Variants in COL11A1 observed in about 807,000 individuals in gnomAD.
The protein encoded by COL11A1 is collagen alpha-1(XI) chain.
A neutral mutation model predicts 265.2 loss-of-function variants in COL11A1; 74 were observed. That is an observed-to-expected ratio of 0.28 (90% CI 0.23 to 0.34). The LOEUF (loss-of-function observed/expected upper bound fraction) is 0.34. Ranked by LOEUF, COL11A1 falls within the 10% of genes least tolerant of loss-of-function variation. The pLI, the probability that COL11A1 is intolerant of heterozygous loss-of-function variation, is 1.00. For synonymous variants in COL11A1, 816 were observed against 727.6 expected (o/e 1.12, Z -1.96); for missense variants, 2,165 against 2,263.6 (o/e 0.96, Z 0.88).
chr1:102,934,106 G>T (rs1657894648), intron 46 of COL11A1, among the ~76,000 whole-genome samples: 1 of 152,142 alleles, frequency 6.6e-6, no homozygotes, highest in African/African-American at 2.4e-5. Flanking sequence ...GGCCATCTTG[G>T]CTCCTCCTAT....
At chr1:103,075,044 C>T (rs1295496187) in intron 3 of COL11A1, among the ~76,000 whole-genome samples, 1 of 152,070 alleles carries the variant, frequency 6.6e-6, no homozygotes, top group Non-Finnish European at 1.5e-5. Flanking sequence ...CCATCCTTTG[C>T]TTCACTTTGT....
chr1:102,891,057 T>C (rs1487700172), intron 57 of COL11A1, among the ~76,000 whole-genome samples: 1 of 152,082 alleles, frequency 6.6e-6, no homozygotes, highest in African/African-American at 2.4e-5. Context: ...AAGAAGATAA[T>C]TCCTATATAT....
intron 23 of COL11A1, among the ~76,000 whole-genome samples, 153 bp downstream of exon 23, chr1:103,002,274 AT>A (rs549899806): frequency 3.7e-4 from 56 of 152,194 alleles, no homozygotes; most frequent in African/African-American, 1.3e-3. Context: ...GTTTGCTCAA[AT>A]TTTTTTAAAA....
At chr1:102,935,011 T>C (rs373543261) in intron 45 of COL11A1, 49 bp downstream of exon 45, 1 of 1,572,766 alleles carries the variant, frequency 6.4e-7, no homozygotes, top group Non-Finnish European at 8.7e-7. Context: ...ACAAATTTAA[T>C]CAGGGAGCTG....
At chr1:103,011,575 CTAAA>C (rs1390382293) in intron 14 of COL11A1, among the ~76,000 whole-genome samples, 8 of 151,850 alleles carry the variant, frequency 5.3e-5, no homozygotes, top group South Asian at 2.1e-4. Flanking sequence ...GTAAAACAGA[CTAAA>C]TAATTAGAAG....
At chr1:102,930,263 C>T (rs1484201973) in intron 46 of COL11A1, among the ~76,000 whole-genome samples, 2 of 151,530 alleles carry the variant, frequency 1.3e-5, no homozygotes, top group South Asian at 2.1e-4. Context: ...TGAAATACGT[C>T]CCATCAATAC....
intron 1 of COL11A1, among the ~76,000 whole-genome samples, chr1:103,107,422 G>C (rs1318896544): frequency 6.6e-6 from 1 of 151,940 alleles, no homozygotes; most frequent in Non-Finnish European, 1.5e-5. Context: ...TCAGGGGAAA[G>C]TGTTCTCCCT....
chr1:103,108,232 G>A lies in COL11A1; in HGVS notation c.-54C>T, dbSNP rs1383607892. Reference sequence around the variant, plus strand: ...CTCAACCCACGAAATTGCGACTGCAGACCAACTTCGTCCTTTCCAAGGTAT... The same window carrying A: ...CTCAACCCACGAAATTGCGACTGCAAACCAACTTCGTCCTTTCCAAGGTAT... On this transcript the variant is annotated 5_prime_UTR_variant, in exon 1 of 67. Transcript: ENST00000370096. 3 of 1,382,244 alleles carry A rather than the reference G, an allele frequency of 2.2e-6. No homozygotes were observed. Among genetic ancestry groups the A allele is most frequent in the Admixed American group, 3.4e-5 (2 of 58,692 alleles). The allele number at this position is 1,382,244 out of a possible 1,614,324, so 85.6% of individuals were successfully genotyped here.
intron 9 of COL11A1, among the ~76,000 whole-genome samples, chr1:103,020,909 G>A (rs1666996218): frequency 1.4e-5 from 2 of 139,110 alleles, no homozygotes; most frequent in East Asian, 4.4e-4. Context: ...TAGATATGCA[G>A]CGTTATTTCT....
At position 103,002,467 on chromosome 1, in the gene COL11A1, C is replaced by T. The variant is rs369536049; in HGVS notation, c.2058G>A (p.Glu686=). ...GPKGNMGPQG[E]PGPPGQQGNP... is the part of the protein sequence containing the mutation. ...TCCCTTGTTGACCTGGAGGCCCAGG[C>T]TCCCCTTGGGGACCCTGCCAGAGGA... The change falls in exon 23 of 67, where the codon GAG becomes GAA. Residue 686 remains glutamate, a synonymous_variant. Coordinates refer to ENST00000370096, the MANE Select transcript of COL11A1 (RefSeq NM_001854.4). 2 of 1,609,782 alleles carry T rather than the reference C, an allele frequency of 1.2e-6. No individual in the cohort carries two copies. The highest frequency in any genetic ancestry group is 1.7e-5 in the Admixed American group (1 of 59,412).
chr1:102,989,613 C>T (rs772851881), intron 28 of COL11A1, 42 bp from the exon 29 acceptor site: 3 of 1,374,716 alleles, frequency 2.2e-6, no homozygotes, highest in Non-Finnish European at 3.1e-6. Flanking sequence ...TTTAATCAGT[C>T]CTTTGGAGTA....
At chr1:102,971,218 T>C (rs74644487) in intron 36 of COL11A1, among the ~76,000 whole-genome samples, 2,816 of 152,298 alleles carry the variant, frequency 0.018, 98 homozygotes, top group African/African-American at 0.065. Flanking sequence ...AGAGCAAATC[T>C]GCTGCTATCA....
intron 29 of COL11A1, among the ~76,000 whole-genome samples, chr1:102,988,346 C>T (rs1229311712): frequency 1.3e-5 from 2 of 152,100 alleles, no homozygotes; most frequent in Admixed American, 6.6e-5. Context: ...TTAAAAAACC[C>T]TATCCTCCAA....
chr1:102,967,394 C>T (rs1346060525), intron 37 of COL11A1, among the ~76,000 whole-genome samples: 1 of 151,702 alleles, frequency 6.6e-6, no homozygotes, highest in Non-Finnish European at 1.5e-5. Context: ...GCACCCGCCA[C>T]CAAGCCCGGC....
At chr1:102,969,629 T>C (rs1340421370) in intron 37 of COL11A1, among the ~76,000 whole-genome samples, 1 of 152,242 alleles carries the variant, frequency 6.6e-6, no homozygotes, top group Admixed American at 6.5e-5. Flanking sequence ...TGGTAAGTTG[T>C]TCAGTCAATT....
rs534049488 is a variant in COL11A1, at chr1:102,934,773, G to A, written c.3493-217C>T. 1.9e-4 allele frequency among the ~76,000 whole-genome samples: 29 copies of A among 152,202 alleles called. No homozygotes were observed. In the South Asian group the frequency reaches 5.6e-3, roughly 29 times the overall value. On this transcript the variant is annotated intron_variant, in intron 45 of 66. Transcript: ENST00000370096. ...TCATAACTGATTTTGATTTGATCCT[G>A]TATACCAAGTGAAGTAAAAGCTGTC...
chr1:103,048,926 T>C (rs1027504014), intron 4 of COL11A1, among the ~76,000 whole-genome samples: 2 of 152,222 alleles, frequency 1.3e-5, no homozygotes, highest in Non-Finnish European at 2.9e-5. Flanking sequence ...AGTTTCTTAA[T>C]CCTGGGTTCT....
chr1:103,049,833 G>T (rs536608616), intron 4 of COL11A1, among the ~76,000 whole-genome samples: 7 of 152,264 alleles, frequency 4.6e-5, no homozygotes, highest in Admixed American at 4.6e-4. Context: ...TGTCTGTAAA[G>T]TATTTTATTT....
intron 63 of COL11A1, among the ~76,000 whole-genome samples, chr1:102,883,933 T>C (rs1650600743): frequency 6.6e-6 from 1 of 152,250 alleles, no homozygotes; most frequent in Non-Finnish European, 1.5e-5. Flanking sequence ...GAACACATTT[T>C]ATTATGTGAA....
Sources: gnomAD v4.1 joint callset for allele counts (sites outside exome capture counted in the v4.1 genomes callset) on GRCh38, gnomAD v4.1.1 for gene constraint, MANE v1.5 for transcripts, NCBI Gene and HGNC (gene_info 2026-07-23, HGNC 2026-07-21) for gene names.